The following CREBL2 variants were observed in gnomAD, a reference collection of about 807,000 sequenced individuals.
CREBL2 encodes cAMP responsive element binding protein like 2.
CREBL2 carries 4 observed loss-of-function variants against 19.5 expected under a neutral mutation model. That is an observed-to-expected ratio of 0.20 (90% CI 0.10 to 0.47). The LOEUF is 0.47. CREBL2 is among the 20% of genes least tolerant of loss of function. The probability of loss-of-function intolerance (pLI) is 0.98; values close to 1 mark genes in which losing one functional copy is unlikely to be tolerated. For missense variants in CREBL2, 85 were observed against 145.1 expected, an observed-to-expected ratio of 0.59 and a Z score of 2.13; for synonymous variants, 42 against 46.6, an observed-to-expected ratio of 0.90 and a Z score of 0.40.
intron 1 of CREBL2, among the ~76,000 whole-genome samples, chr12:12,613,990 C>CTTTTTTTTTTTTTT (rs57522744): frequency 4.8e-4 from 35 of 72,818 alleles, no homozygotes; most frequent in African/African-American, 6.1e-4. Context: ...TCTTTTTTTT[C>CTTTTTTTTTTTTTT]TTTTTTTTTT....
chr12:12,624,276 C>T (rs1216738090), intron 1 of CREBL2, among the ~76,000 whole-genome samples: 1 of 151,820 alleles, frequency 6.6e-6, no homozygotes, highest in Non-Finnish European at 1.5e-5. Context: ...AGAAAAACAC[C>T]CTAAAGTTAT....
rs998347572 is a variant in CREBL2, at chr12:12,643,037, C to G, written c.*1039C>G. 6.6e-6 allele frequency: 1 copy of G among 152,644 alleles called. No homozygotes were observed. The highest frequency in any genetic ancestry group is 1.5e-5 in the Non-Finnish European group (1 of 68,048). 9.5% of individuals were successfully genotyped at this position (152,644 alleles called of 1,614,324 possible). A position where few individuals can be genotyped will look rare whatever the true frequency, so the allele number is the denominator to read the frequency against. The stretch of plus-strand genomic sequence containing the variant: ...TGGTAGATCTACTGACTGTAGCCAT[C>G]ACCAGAACACTTAGTTTCTTCCCAG... On this transcript the variant is annotated 3_prime_UTR_variant, in exon 4 of 4. Transcript: ENST00000228865.
chr12:12,626,681 A>G (rs1369560061), intron 1 of CREBL2, among the ~76,000 whole-genome samples: 1 of 152,162 alleles, frequency 6.6e-6, no homozygotes, highest in Non-Finnish European at 1.5e-5. Flanking sequence ...GAACAGTTCT[A>G]TCACTCCAAG....
intron 1 of CREBL2, 127 bp downstream of exon 1, chr12:12,612,314 T>G (rs1945273932): frequency 2.0e-6 from 3 of 1,525,604 alleles, no homozygotes; most frequent in Admixed American, 3.5e-5. Context: ...CCTGCGCCTC[T>G]CCAGTCCACT....
chr12:12,613,776 A>G (rs1464285201), intron 1 of CREBL2, among the ~76,000 whole-genome samples: 4 of 152,322 alleles, frequency 2.6e-5, no homozygotes, highest in East Asian at 3.9e-4. Flanking sequence ...TTTGTTTACA[A>G]CAATGCAACA....
At chr12:12,641,853 C>A in intron 3 of CREBL2, 141 bp from the exon 4 acceptor site, 1 of 453,792 alleles carries the variant, frequency 2.2e-6, no homozygotes, top group South Asian at 4.6e-5. Flanking sequence ...GCCAAATCAG[C>A]TTTTTTTTAG....
At chr12:12,626,535 A>G (rs1205773294) in intron 1 of CREBL2, among the ~76,000 whole-genome samples, 3 of 152,208 alleles carry the variant, frequency 2.0e-5, no homozygotes, top group African/African-American at 7.2e-5. Context: ...TCACTAGGCA[A>G]CCATGTCTTT....
At chr12:12,616,064 G>C (rs1349316894) in intron 1 of CREBL2, among the ~76,000 whole-genome samples, 1 of 152,018 alleles carries the variant, frequency 6.6e-6, no homozygotes, top group Non-Finnish European at 1.5e-5. Context: ...TAATGTTATG[G>C]GTATTTAAGG....
At chr12:12,623,368 T>C (rs1305114882) in intron 1 of CREBL2, among the ~76,000 whole-genome samples, 6 of 151,956 alleles carry the variant, frequency 3.9e-5, no homozygotes, top group Non-Finnish European at 7.4e-5. Flanking sequence ...ATAAAGCATA[T>C]AAATTCAGTG....
At chr12:12,613,415 G>A (rs1390599159) in intron 1 of CREBL2, among the ~76,000 whole-genome samples, 1 of 152,048 alleles carries the variant, frequency 6.6e-6, no homozygotes, top group Non-Finnish European at 1.5e-5. Context: ...CCTTTGTTTG[G>A]GTGTCTTTTT....
At position 12,631,048 on chromosome 12, in the gene CREBL2, A is replaced by T. The variant is rs150206524; in HGVS notation, c.16-4729A>T. 9.8e-5 allele frequency among the ~76,000 whole-genome samples: 15 copies of T among 152,362 alleles called. No homozygotes were observed. The East Asian group carries it at 2.9e-3, about 29-fold the overall frequency. ...TGACCTTTAGTTTAGCTTGTCTTAA[A>T]AGAGAAAGTGTTTAAAACAGGGAGT... On this transcript the variant is annotated intron_variant, in intron 1 of 3. Coordinates refer to ENST00000228865, the MANE Select transcript of CREBL2 (RefSeq NM_001310.4).
rs533944805 is a variant in CREBL2, at chr12:12,616,144, A to C, written c.15+3957A>C. ...TCAGAATATATTCTTTCTGATTTTCAGTTTTTTCCTTTTCAGACCTTTGAA... is the reference window on the plus strand; with the variant it reads ...TCAGAATATATTCTTTCTGATTTTCCGTTTTTTCCTTTTCAGACCTTTGAA... On this transcript the variant is annotated intron_variant, in intron 1 of 3. Coordinates refer to ENST00000228865, the MANE Select transcript of CREBL2 (RefSeq NM_001310.4). Among the ~76,000 whole-genome samples the C allele has an allele frequency of 1.3e-4, 20 of 152,324 alleles. No homozygotes were observed. The South Asian group carries it at 4.1e-3, about 32-fold the overall frequency.
intron 1 of CREBL2, among the ~76,000 whole-genome samples, chr12:12,632,020 G>T (rs1049272241): frequency 6.8e-6 from 1 of 147,776 alleles, no homozygotes; most frequent in Non-Finnish European, 1.5e-5. Flanking sequence ...TAACTTTATA[G>T]GAAATGACAT....
intron 1 of CREBL2, among the ~76,000 whole-genome samples, chr12:12,617,286 A>G (rs1048772419): frequency 1.3e-5 from 2 of 152,186 alleles, no homozygotes; most frequent in Non-Finnish European, 2.9e-5. Context: ...ACATACTTAC[A>G]ATGGCAAATG....
intron 1 of CREBL2, among the ~76,000 whole-genome samples, chr12:12,618,114 A>G (rs1051269359): frequency 5.3e-5 from 8 of 152,058 alleles, no homozygotes; most frequent in African/African-American, 1.7e-4. Flanking sequence ...TTTTCCCCAC[A>G]TTTCCCCCTT....
intron 1 of CREBL2, among the ~76,000 whole-genome samples, chr12:12,618,475 C>G (rs1481415947): frequency 6.6e-6 from 1 of 151,860 alleles, no homozygotes. Flanking sequence ...AGACGTTGGG[C>G]GGCCGGGCAG....
intron 1 of CREBL2, 68 bp downstream of exon 1, chr12:12,612,255 C>T: frequency 6.2e-7 from 1 of 1,611,802 alleles, no homozygotes; most frequent in South Asian, 1.1e-5. Context: ...GGCTGAACCT[C>T]CGCTATGTAG....
rs960676779 is a variant in CREBL2 at position 12,611,927 on chromosome 12, G to C, written c.-246G>C. 4.3e-5 allele frequency: 25 copies of C among 579,748 alleles called. 1 individual carries two copies. The highest frequency in any genetic ancestry group is 3.3e-5 in the Admixed American group (1 of 30,604). 35.9% of individuals were successfully genotyped at this position (579,748 alleles called of 1,614,324 possible). On this transcript the variant is annotated 5_prime_UTR_variant, in exon 1 of 4. Transcript: ENST00000228865. ...GTAAACACCCAGAGACTGTCATGGAGGGGGAGGAGGAGGCGGCGGCGGCGA... is the reference window on the plus strand; with the variant it reads ...GTAAACACCCAGAGACTGTCATGGACGGGGAGGAGGAGGCGGCGGCGGCGA...
At chr12:12,614,796 G>A in intron 1 of CREBL2, 1 of 384,626 alleles carries the variant, frequency 2.6e-6, no homozygotes, top group Non-Finnish European at 5.1e-6. Context: ...AATGCCAACA[G>A]AATGCTGGGT....
Sources: allele counts gnomAD v4.1 joint callset (sites outside exome capture counted in the v4.1 genomes callset), GRCh38; gene constraint gnomAD v4.1.1; transcripts MANE v1.5; gene names NCBI Gene and HGNC (gene_info 2026-07-23, HGNC 2026-07-21).